LINGO2: variants seen among roughly 807,000 people sequenced by gnomAD.
LINGO2 encodes the protein leucine-rich repeat and immunoglobulin-like domain-containing nogo receptor-interacting protein 2.
Under a neutral mutation model 30.6 loss-of-function variants are expected in LINGO2, and 14 were observed. The ratio of observed to expected loss-of-function variants is 0.46; its 90% CI spans 0.30 to 0.72. LINGO2 has a LOEUF of 0.72. LINGO2 is among the 30% of genes least tolerant of loss of function. The pLI is 0.07. For missense variants in LINGO2, 729 were observed against 751.7 expected, an observed-to-expected ratio of 0.97 and a Z score of 0.35; for synonymous variants, 317 against 288.5, an observed-to-expected ratio of 1.10 and a Z score of -1.00.
At chr9:28,522,727 CA>C (rs1820872665) in intron 1 of LINGO2, among the ~76,000 whole-genome samples, 1 of 151,938 alleles carries the variant, frequency 6.6e-6, no homozygotes, top group South Asian at 2.1e-4. Context: ...AAAATTCTTA[CA>C]AGAAAATTAT....
intron 4 of LINGO2, among the ~76,000 whole-genome samples, chr9:28,235,408 T>C (rs543971878): frequency 1.1e-4 from 17 of 152,212 alleles, no homozygotes; most frequent in South Asian, 2.1e-4. Flanking sequence ...CTATAGTAAA[T>C]ACCTAACTCT....
At chr9:27,973,598 T>A (rs1166150294) in intron 5 of LINGO2, among the ~76,000 whole-genome samples, 1 of 152,162 alleles carries the variant, frequency 6.6e-6, no homozygotes, top group Non-Finnish European at 1.5e-5. Context: ...ACGTGGTCAG[T>A]ATGTTTCCTA....
At chr9:28,166,312 G>A (rs1324420215) in intron 4 of LINGO2, among the ~76,000 whole-genome samples, 2 of 152,164 alleles carry the variant, frequency 1.3e-5, no homozygotes, top group Non-Finnish European at 2.9e-5. Flanking sequence ...GAGCCAGATT[G>A]CTTGTGTTCA....
chr9:28,913,883 T>C, the LINGO2 span, among the ~76,000 whole-genome samples: 3 of 152,130 alleles, frequency 2.0e-5, no homozygotes, highest in African/African-American at 4.8e-5. Context: ...TTCTGCAAAA[T>C]AGAGCAAATG....
intron 1 of LINGO2, among the ~76,000 whole-genome samples, chr9:28,552,432 C>T (rs140609127): frequency 1.3e-5 from 2 of 152,106 alleles, no homozygotes; most frequent in Admixed American, 6.6e-5. Flanking sequence ...ATCAGAATCA[C>T]GAACACTTGG....
intron 4 of LINGO2, among the ~76,000 whole-genome samples, chr9:28,054,466 T>G (rs372927037): frequency 1.4e-4 from 21 of 152,252 alleles, no homozygotes; most frequent in African/African-American, 5.1e-4. Context: ...ATACACACAA[T>G]TTTATCTAGA....
At chr9:28,864,174 C>G in the LINGO2 span, among the ~76,000 whole-genome samples, 1 of 152,104 alleles carries the variant, frequency 6.6e-6, no homozygotes, top group Non-Finnish European at 1.5e-5. Context: ...CATATAATCT[C>G]ATATCCTATG....
chr9:29,159,289 C>T, the LINGO2 span, among the ~76,000 whole-genome samples: 6 of 152,174 alleles, frequency 3.9e-5, no homozygotes, highest in African/African-American at 1.4e-4. Context: ...CAATTCCTCA[C>T]GGTTACCTAC....
At chr9:28,974,508 T>C in the LINGO2 span, among the ~76,000 whole-genome samples, 1 of 152,208 alleles carries the variant, frequency 6.6e-6, no homozygotes, top group African/African-American at 2.4e-5. Flanking sequence ...TTCTTTTTTA[T>C]TGCTTATGCA....
the LINGO2 span, among the ~76,000 whole-genome samples, chr9:28,950,907 G>C: frequency 6.6e-6 from 1 of 152,024 alleles, no homozygotes; most frequent in South Asian, 2.1e-4. Context: ...ATTTCATATG[G>C]AACCAAAAAA....
At chr9:28,434,852 G>C (rs1399809215) in intron 2 of LINGO2, among the ~76,000 whole-genome samples, 1 of 151,894 alleles carries the variant, frequency 6.6e-6, no homozygotes, top group Non-Finnish European at 1.5e-5. Context: ...TATTTTCATG[G>C]AACACTTGTA....
the LINGO2 span, among the ~76,000 whole-genome samples, chr9:29,055,926 G>A: frequency 9.1e-6 from 1 of 110,216 alleles, no homozygotes; most frequent in Admixed American, 8.8e-5. Flanking sequence ...AGTATCCCAT[G>A]TGTATGTGTG....
the LINGO2 span, among the ~76,000 whole-genome samples, chr9:28,934,528 A>G: frequency 6.6e-6 from 1 of 152,214 alleles, no homozygotes; most frequent in Non-Finnish European, 1.5e-5. Flanking sequence ...TATGATAAAA[A>G]TGAAACTTTC....
chr9:28,371,875 G>C (rs1820912332), intron 3 of LINGO2, among the ~76,000 whole-genome samples: 1 of 152,146 alleles, frequency 6.6e-6, no homozygotes. Context: ...ATCAGATACA[G>C]CAAGTTAAAA....
the LINGO2 span, among the ~76,000 whole-genome samples, chr9:29,048,450 T>A: frequency 5.8e-5 from 8 of 138,004 alleles, no homozygotes; most frequent in Non-Finnish European, 1.3e-4. Context: ...ATGATATTAT[T>A]CACAGAAATA....
chr9:28,138,476 C>CT (rs944610372), intron 4 of LINGO2, among the ~76,000 whole-genome samples: 13 of 152,128 alleles, frequency 8.5e-5, no homozygotes, highest in Admixed American at 6.5e-4. Flanking sequence ...ATTGACACAT[C>CT]TTTTTTTTGT....
intron 2 of LINGO2, among the ~76,000 whole-genome samples, chr9:28,450,764 C>T (rs1412158438): frequency 6.6e-6 from 1 of 151,992 alleles, no homozygotes; most frequent in Non-Finnish European, 1.5e-5. Context: ...ATAATCTTTA[C>T]ATTTTCATGA....
At chr9:29,154,185 C>G in the LINGO2 span, among the ~76,000 whole-genome samples, 1 of 152,142 alleles carries the variant, frequency 6.6e-6, no homozygotes, top group African/African-American at 2.4e-5. Context: ...TGGCTCACAC[C>G]TGTAATCCCA....
intron 1 of LINGO2, among the ~76,000 whole-genome samples, chr9:28,485,897 T>C (rs1191640051): frequency 6.6e-6 from 1 of 152,034 alleles, no homozygotes; most frequent in African/African-American, 2.4e-5. Flanking sequence ...GAAAAAAATA[T>C]CTTGTTGGCA....
Sources: gnomAD v4.1 joint callset for allele counts (sites outside exome capture counted in the v4.1 genomes callset) on GRCh38, gnomAD v4.1.1 for gene constraint, MANE v1.5 for transcripts, NCBI Gene and HGNC (gene_info 2026-07-23, HGNC 2026-07-21) for gene names.